Variants in ZC3H3 observed in about 807,000 individuals in gnomAD.
ZC3H3 encodes zinc finger CCCH domain-containing protein 3.
In ZC3H3, 36 loss-of-function variants were observed where a neutral mutation model predicts 77.3. That is an observed-to-expected ratio of 0.47 (90% CI 0.36 to 0.61). The LOEUF (loss-of-function observed/expected upper bound fraction) is 0.61. Among genes scored for constraint, ZC3H3 ranks in the 20% least tolerant of loss-of-function variants. The pLI, the probability that ZC3H3 is intolerant of heterozygous loss-of-function variation, is 0.00. For missense variants in ZC3H3, 1,331 were observed against 1,312.2 expected, an observed-to-expected ratio of 1.01 and a Z score of -0.22; for synonymous variants, 626 against 555.2, an observed-to-expected ratio of 1.13 and a Z score of -1.79.
chr8:143,513,615 G>A (rs1821940857), intron 3 of ZC3H3, among the ~76,000 whole-genome samples: 1 of 152,216 alleles, frequency 6.6e-6, no homozygotes, highest in African/African-American at 2.4e-5. Context: ...CGTGACATAT[G>A]TCTGAGCGGG....
At chr8:143,498,171 G>A (rs1160251267) in intron 4 of ZC3H3, among the ~76,000 whole-genome samples, 1 of 152,202 alleles carries the variant, frequency 6.6e-6, no homozygotes, top group Non-Finnish European at 1.5e-5. Flanking sequence ...GGGGGACCCT[G>A]GAAAGAAGGT....
chr8:143,516,155 C>T (rs961294301), intron 3 of ZC3H3, among the ~76,000 whole-genome samples: 8 of 152,242 alleles, frequency 5.3e-5, no homozygotes, highest in African/African-American at 1.4e-4. Context: ...CCTACGCTGG[C>T]GCGGCAGGAG....
At chr8:143,488,952 C>A (rs916909911) in intron 4 of ZC3H3, among the ~76,000 whole-genome samples, 1 of 152,238 alleles carries the variant, frequency 6.6e-6, no homozygotes, top group Admixed American at 6.5e-5. Flanking sequence ...GATCCGCTGT[C>A]CATGTTTCTG....
At chr8:143,455,715 G>A (rs536767016) in intron 9 of ZC3H3, among the ~76,000 whole-genome samples, 2 of 152,162 alleles carry the variant, frequency 1.3e-5, no homozygotes, top group Non-Finnish European at 2.9e-5. Context: ...GCTCATGCCT[G>A]TGATCCCAGC....
Position 143,507,762 on chromosome 8 carries a change from GC to G in ZC3H3, c.1698del (p.Arg567GlyfsTer10). ...FPLSLPSWRA[R>X]RLSLSRSLVL... ...CCTTCCTACCTGGATAGTGAGAGCC[GC>G]CGGGCCCGCCAGGAGGGCAGAGACA... is the stretch of plus-strand genomic sequence containing the variant. On this transcript the variant is annotated frameshift_variant, in exon 4 of 12. Transcript: ENST00000262577. LOFTEE classifies it high-confidence loss of function. 1 of 1,583,190 alleles carries G rather than the reference GC, an allele frequency of 6.3e-7. No individual in the cohort carries two copies. Among genetic ancestry groups the G allele is most frequent in the Non-Finnish European group, 8.6e-7 (1 of 1,165,932 alleles).
At position 143,475,462 on chromosome 8, in the gene ZC3H3, G is replaced by A; in HGVS notation, c.1839C>T (p.Ala613=). The A allele has an allele frequency of 6.2e-7, 1 of 1,613,208 alleles. No homozygotes were observed. The highest frequency in any genetic ancestry group is 8.5e-7 in the Non-Finnish European group (1 of 1,179,966). Reference sequence around the variant, plus strand: ...GGCCGGAGGTCTTGGAGAGCTTGTTGGCAGATACTTTGTAGAGGACCCCTC... The same window carrying A: ...GGCCGGAGGTCTTGGAGAGCTTGTTAGCAGATACTTTGTAGAGGACCCCTC... The part of the protein sequence containing the change: ...CIGGVLYKVS[A]NKLSKTSGQP... Residue 613 remains alanine, a synonymous_variant, in exon 5 of 12, where the codon GCC becomes GCT. Transcript: ENST00000262577.
intron 3 of ZC3H3, among the ~76,000 whole-genome samples, chr8:143,515,242 C>T (rs1223596008): frequency 6.6e-6 from 1 of 152,240 alleles, no homozygotes; most frequent in Non-Finnish European, 1.5e-5. Flanking sequence ...ATCTAGACAC[C>T]GAGCAGGGCA....
chr8:143,541,400 G>A lies in ZC3H3; in HGVS notation c.22C>T (p.Arg8Trp), dbSNP rs753547924. 1.9e-6 allele frequency: 3 copies of A among 1,611,954 alleles called. No homozygotes were observed. The highest frequency in any genetic ancestry group is 1.7e-5 in the Admixed American group (1 of 60,004). Residue 8 changes from arginine to tryptophan, a missense_variant, in exon 1 of 12, where the codon CGG becomes TGG. By Grantham distance (101) the Arg-to-Trp change is moderately radical (BLOSUM62 -3). Around this residue, in one of 3 missense-constraint regions of ZC3H3, gnomAD observed 978 missense variants for 915.5 expected, o/e 1.07. Transcript: ENST00000262577. The part of the protein sequence containing the change: MEEKEIL[R>W]RQIRLLQGLI... ...CCCTGCAGTAGGCGGATCTGCCGCCGTAATATCTCCTTTTCCTCCATCTCC... is the reference window on the plus strand; with the variant it reads ...CCCTGCAGTAGGCGGATCTGCCGCCATAATATCTCCTTTTCCTCCATCTCC...
chr8:143,477,800 T>C (rs959899738), intron 4 of ZC3H3, among the ~76,000 whole-genome samples: 10 of 152,090 alleles, frequency 6.6e-5, no homozygotes, highest in Non-Finnish European at 1.0e-4. Context: ...GGTCTCACCA[T>C]TGGGAGGGTG....
chr8:143,499,167 T>C (rs1461645634), intron 4 of ZC3H3, among the ~76,000 whole-genome samples: 1 of 152,044 alleles, frequency 6.6e-6, no homozygotes, highest in Non-Finnish European at 1.5e-5. Context: ...GAGGGAAGCC[T>C]GGGAGCAGAG....
rs1586937125 is a variant in ZC3H3 at position 143,507,726 on chromosome 8, C to T, written c.1715+20G>A. ...AGCCCAGTTCCCAGGCCTGCAGGAG[C>T]CTGCAGGAAGCCTTCCTACCTGGAT... On this transcript the variant is annotated intron_variant, in intron 4 of 11. Transcript: ENST00000262577. 4 of 1,539,690 alleles carry T rather than the reference C, an allele frequency of 2.6e-6. No homozygotes were observed. The highest frequency in any genetic ancestry group is 3.5e-6 in the Non-Finnish European group (4 of 1,143,890).
At chr8:143,461,729 A>G (rs1480403826) in intron 9 of ZC3H3, among the ~76,000 whole-genome samples, 1 of 152,072 alleles carries the variant, frequency 6.6e-6, no homozygotes, top group Admixed American at 6.6e-5. Context: ...ATGCCAAACA[A>G]CCATGTACTG....
chr8:143,516,076 G>A (rs1255379563), intron 3 of ZC3H3, among the ~76,000 whole-genome samples: 1 of 152,198 alleles, frequency 6.6e-6, no homozygotes, highest in Non-Finnish European at 1.5e-5. Context: ...GTGTGCTTCA[G>A]GCCCGTCCAT....
chr8:143,478,671 G>A (rs574095558), intron 4 of ZC3H3, among the ~76,000 whole-genome samples: 15 of 152,128 alleles, frequency 9.9e-5, no homozygotes, highest in South Asian at 2.1e-4. Flanking sequence ...CAACACGCCC[G>A]GCTAATTTTT....
In ZC3H3 at chr8:143,493,902, A is replaced by G. The variant is rs1455427042; in HGVS notation, c.1715+13844T>C. Among the ~76,000 whole-genome samples the G allele has an allele frequency of 1.3e-5, 2 of 152,244 alleles. No homozygotes were observed. The highest frequency in any genetic ancestry group is 4.8e-5 in the African/African-American group (2 of 41,468). ...CTGCATTGAAACGAAATGAATAGTA[A>G]TAAGTCACTAAGCTCCCTGTCCTGT... On this transcript the variant is annotated intron_variant, in intron 4 of 11. Transcript: ENST00000262577. The surrounding 1 kb of genome is among the most constrained non-coding windows in gnomAD (Gnocchi z 4.8).
At chr8:143,498,552 G>T (rs566268013) in intron 4 of ZC3H3, among the ~76,000 whole-genome samples, 1 of 152,152 alleles carries the variant, frequency 6.6e-6, no homozygotes, top group South Asian at 2.1e-4. Context: ...CAAGTAGGCA[G>T]CAGTGCTCCC....
At chr8:143,458,385 G>A (rs1225058622) in intron 9 of ZC3H3, among the ~76,000 whole-genome samples, 1 of 148,336 alleles carries the variant, frequency 6.7e-6, no homozygotes, top group Non-Finnish European at 1.5e-5. Context: ...AGTGGCTCAC[G>A]CCTATAACTC....
At chr8:143,499,820 C>G (rs1029966914) in intron 4 of ZC3H3, among the ~76,000 whole-genome samples, 5 of 152,190 alleles carry the variant, frequency 3.3e-5, no homozygotes, top group Admixed American at 2.0e-4. Flanking sequence ...TCCCCAGGCT[C>G]CATGTCAGAG....
chr8:143,537,776 T>C (rs537634087), intron 2 of ZC3H3, among the ~76,000 whole-genome samples: 2 of 152,232 alleles, frequency 1.3e-5, no homozygotes, highest in East Asian at 3.9e-4. Flanking sequence ...AGGATGGGCT[T>C]GCCAGCAGTG....
Sources: allele counts gnomAD v4.1 joint callset (sites outside exome capture counted in the v4.1 genomes callset), GRCh38; gene constraint gnomAD v4.1.1; regional missense constraint gnomAD v4.1.1; non-coding constraint Gnocchi (gnomAD v3.1); transcripts MANE v1.5; gene names NCBI Gene and HGNC (gene_info 2026-07-23, HGNC 2026-07-21).